Variants in NTRK3 observed in about 807,000 individuals in gnomAD.
The protein encoded by NTRK3 is neurotrophic receptor tyrosine kinase 3, also known as NT-3 growth factor receptor.
A neutral mutation model predicts 91.7 loss-of-function variants in NTRK3; 24 were observed. The observed-to-expected ratio is 0.26, with a 90% CI of 0.19 to 0.37. The LOEUF is 0.37. NTRK3 is among the 10% of genes least tolerant of loss of function. The pLI, the probability that NTRK3 is intolerant of heterozygous loss-of-function variation, is 1.00. For missense variants in NTRK3, 880 were observed against 1,068.9 expected (o/e 0.82, Z 2.46); for synonymous variants, 483 against 404.0 (o/e 1.20, Z -2.34).
chr15:88,176,347 G>C, intron 5 of NTRK3, among the ~76,000 whole-genome samples: 1 of 152,078 alleles, frequency 6.6e-6, no homozygotes, highest in Middle Eastern at 3.2e-3. Flanking sequence ...ATGTTGGTCA[G>C]AATGGTCTCG....
At chr15:87,909,820 A>C (rs142113571) in intron 17 of NTRK3, among the ~76,000 whole-genome samples, 3 of 152,328 alleles carry the variant, frequency 2.0e-5, no homozygotes, top group Admixed American at 1.3e-4. Context: ...ACGGATGACC[A>C]TGTGGGGACA....
At chr15:88,143,957 T>C (rs1386010602) in intron 6 of NTRK3, 1 of 152,228 alleles carries the variant, frequency 6.6e-6, no homozygotes, top group Non-Finnish European at 1.5e-5. Context: ...CTGTTCAAGA[T>C]ACATTAAGGA....
intron 17 of NTRK3, among the ~76,000 whole-genome samples, chr15:87,917,796 T>C (rs1231168098): frequency 1.3e-5 from 2 of 152,198 alleles, no homozygotes; most frequent in African/African-American, 4.8e-5. Context: ...GTGACACTCC[T>C]GCTCCTCCTT....
At chr15:87,922,802 T>C (rs909668248) in intron 17 of NTRK3, among the ~76,000 whole-genome samples, 3 of 152,236 alleles carry the variant, frequency 2.0e-5, no homozygotes, top group Admixed American at 6.5e-5. Flanking sequence ...ATTTCTTCCC[T>C]GTTTTTCTTC....
intron 13 of NTRK3, among the ~76,000 whole-genome samples, chr15:88,116,438 T>G (rs80075444): frequency 8.2e-6 from 1 of 121,450 alleles, no homozygotes; most frequent in Admixed American, 8.4e-5. Context: ...TACAAAAATT[T>G]AAAAAAAAAA....
At chr15:87,911,110 CT>C (rs1596208463) in intron 17 of NTRK3, among the ~76,000 whole-genome samples, 1 of 152,204 alleles carries the variant, frequency 6.6e-6, no homozygotes, top group East Asian at 1.9e-4. Flanking sequence ...TCAAGAAAGC[CT>C]TCAGAGCAAG....
At chr15:88,061,732 G>C (rs1458786329) in intron 13 of NTRK3, among the ~76,000 whole-genome samples, 1 of 152,244 alleles carries the variant, frequency 6.6e-6, no homozygotes, top group Admixed American at 6.5e-5. Flanking sequence ...CCAGGGCCCG[G>C]AGGCTCCGTT....
intron 14 of NTRK3, chr15:87,981,360 C>G: frequency 6.2e-7 from 1 of 1,613,856 alleles, no homozygotes; most frequent in Non-Finnish European, 8.5e-7. Context: ...TGAAAAGACC[C>G]CTGGCAGAAG....
exon 19 of NTRK3, chr15:87,870,368 G>A (rs941070741): frequency 5.0e-6 from 1 of 199,164 alleles, no homozygotes; most frequent in African/African-American, 2.3e-5. Context: ...TCACTGATAT[G>A]TGGGAGCTAA....
rs1290340027 is a variant in NTRK3, at chr15:88,235,267, ATGAG to A, written c.248+20635_248+20638del. ...GCACATCACAGAATCACCAACATGA[ATGAG>A]TAAGGCCTGTGTCGCTGTCTACCCT... On this transcript the variant is annotated intron_variant, in intron 3 of 18. Coordinates refer to ENST00000394480, the Ensembl canonical transcript of NTRK3. This position sits in a 1 kb window ranked among gnomAD's most constrained non-coding sequence, Gnocchi z 5.2. Among the ~76,000 whole-genome samples, 1 of 152,216 alleles carries A rather than the reference ATGAG, an allele frequency of 6.6e-6. No homozygotes were observed.
chr15:88,136,140 G>A lies in NTRK3; in HGVS notation c.766-100C>T, dbSNP rs2041856620. 6.8e-6 allele frequency: 10 copies of A among 1,466,846 alleles called. No homozygotes were observed. The South Asian group carries it at 1.1e-4, about 17-fold the overall frequency. The allele number at this position is 1,466,846 out of a possible 1,614,324, so 90.9% of individuals were successfully genotyped here. A position where few individuals can be genotyped will look rare whatever the true frequency, so the allele number is the denominator to read the frequency against. On this transcript the variant is annotated intron_variant, in intron 8 of 18. Coordinates refer to ENST00000394480, the Ensembl canonical transcript of NTRK3. ...CTTTAGGAATCAAAAGGAAAGCTGA[G>A]CGGAAGGCGAAGGAGATCTTTGTGT...
At chr15:87,860,120 T>C (rs2064483525) in exon 19 of NTRK3, 1 of 216,522 alleles carries the variant, frequency 4.6e-6, no homozygotes, top group African/African-American at 2.3e-5. Flanking sequence ...ATTAGTGTCA[T>C]GGTGTTAAAT....
At chr15:87,933,064 G>A (rs2141954867) in exon 16 of NTRK3, 1 of 1,614,100 alleles carries the variant, frequency 6.2e-7, no homozygotes, top group South Asian at 1.1e-5. Flanking sequence ...ACCATGATGA[G>A]GGGGTCCCCA....
intron 17 of NTRK3, among the ~76,000 whole-genome samples, chr15:87,898,720 T>G (rs2066276255): frequency 6.7e-6 from 1 of 150,258 alleles, no homozygotes; most frequent in African/African-American, 2.5e-5. Flanking sequence ...GTGCTGTGGC[T>G]CACGCCTGTA....
intron 14 of NTRK3, among the ~76,000 whole-genome samples, chr15:87,995,913 A>G (rs2075660247): frequency 6.6e-6 from 1 of 152,208 alleles, no homozygotes; most frequent in Admixed American, 6.5e-5. Flanking sequence ...CGTGTTACAA[A>G]AGATGATTCT....
chr15:88,215,198 C>G (rs1056172513), intron 3 of NTRK3, among the ~76,000 whole-genome samples: 2 of 152,222 alleles, frequency 1.3e-5, no homozygotes, highest in Non-Finnish European at 2.9e-5. Flanking sequence ...AATGGCAATT[C>G]ATCAGAGGAA....
chr15:88,046,847 C>T (rs529329428), intron 13 of NTRK3, among the ~76,000 whole-genome samples: 4 of 152,230 alleles, frequency 2.6e-5, no homozygotes, highest in South Asian at 2.1e-4. Context: ...GCAGGAATGG[C>T]GAGGGTACAG....
At chr15:88,221,306 A>G (rs1452072854) in intron 3 of NTRK3, among the ~76,000 whole-genome samples, 2 of 152,220 alleles carry the variant, frequency 1.3e-5, no homozygotes, top group Admixed American at 1.3e-4. Flanking sequence ...GGACAACTTG[A>G]ATCCTAGCTT....
chr15:87,958,599 G>A (rs1426118257), intron 14 of NTRK3, among the ~76,000 whole-genome samples: 4 of 151,938 alleles, frequency 2.6e-5, no homozygotes, highest in Admixed American at 2.6e-4. Context: ...TTTCCTTGAT[G>A]ACTCTTTCCT....
Sources: gnomAD v4.1 joint callset for allele counts (sites outside exome capture counted in the v4.1 genomes callset) on GRCh38, gnomAD v4.1.1 for gene constraint, Gnocchi (gnomAD v3.1) non-coding constraint, MANE v1.5 for transcripts, NCBI Gene and HGNC (gene_info 2026-07-23, HGNC 2026-07-21) for gene names.